Variants in VSX1 observed in about 807,000 individuals in gnomAD.
The protein encoded by VSX1 is homeodomain protein RINX.
A neutral mutation model predicts 23.6 loss-of-function variants in VSX1; 23 were observed. The ratio of observed to expected loss-of-function variants is 0.97; its 90% CI spans 0.70 to 1.38. VSX1 has a LOEUF of 1.38. VSX1 is among the 40% of genes most tolerant of loss of function. The pLI is 0.00. For missense variants in VSX1, 517 were observed against 495.4 expected, an observed-to-expected ratio of 1.04 and a Z score of -0.41; for synonymous variants, 247 against 215.1, an observed-to-expected ratio of 1.15 and a Z score of -1.30.
At chr20:25,078,179 T>G in intron 3 of VSX1, among the ~76,000 whole-genome samples, 1 of 152,196 alleles carries the variant, frequency 6.6e-6, no homozygotes, top group East Asian at 1.9e-4. Flanking sequence ...TTTTCCCACA[T>G]TGTGTGAAGA....
rs141410824 is a variant in VSX1 at position 25,077,776 on chromosome 20, C to T, written c.717G>A (p.Gly239=). Residue 239 remains glycine (G), a synonymous_variant, in exon 4 of 5, where the codon GGG becomes GGA. Coordinates refer to ENST00000376709, the MANE Select transcript of VSX1 (RefSeq NM_014588.6). The stretch of plus-strand genomic sequence containing the variant: ...GCGGGATGCAGTGGCGCACCATGGC[C>T]CCGTACAGCCCGTACTCGGCCATCA... The part of the protein sequence containing the change: ...SSVMAEYGLY[G]AMVRHCIPLP... 213 of 1,550,982 alleles carry T rather than the reference C, an allele frequency of 1.4e-4. No individual in the cohort carries two copies. The East Asian group carries it at 3.6e-3, about 26-fold the overall frequency.
Position 25,078,576 on chromosome 20 carries a change from T to C in VSX1, c.627+253A>G, listed in dbSNP as rs539502690. On this transcript the variant is annotated intron_variant, in intron 3 of 4. Coordinates refer to ENST00000376709, the MANE Select transcript of VSX1 (RefSeq NM_014588.6). Reference sequence around the variant, plus strand: ...TTTTTTTTTTTCATTGACATATCTTTATAGTTTCTAGTTGCAGCACACATT... The same window carrying C: ...TTTTTTTTTTTCATTGACATATCTTCATAGTTTCTAGTTGCAGCACACATT... The C allele has an allele frequency of 5.7e-6, 8 of 1,396,312 alleles. No homozygotes were observed. The East Asian group carries it at 2.1e-4, about 36-fold the overall frequency. 86.5% of individuals were successfully genotyped at this position (1,396,312 alleles called of 1,614,324 possible). A position where few individuals can be genotyped will look rare whatever the true frequency, so the allele number is the denominator to read the frequency against.
In VSX1 at chr20:25,081,985, CCA is replaced by C; in HGVS notation, c.110_111del (p.Leu37ArgfsTer32). 6.5e-7 allele frequency: 1 copy of C among 1,533,894 alleles called. No homozygotes were observed. Among genetic ancestry groups the C allele is most frequent in the Non-Finnish European group, 8.7e-7 (1 of 1,146,508 alleles). On this transcript the variant is annotated frameshift_variant, in exon 1 of 5. Coordinates refer to ENST00000376709, the MANE Select transcript of VSX1 (RefSeq NM_014588.6). LOFTEE classifies it high-confidence loss of function. ...GGCGCCGGCAGCTCGGCCTCCAAGC[CCA>C]GCAGGTCCGTGATGGCGAAGCCCCG... ...RPRGFAITDLLGLEAELPAPA... is the reference protein window; with the variant it reads ...RPRGFAITDLXGLEAELPAPA...
At chr20:25,080,063 T>G (rs1177530856) in intron 1 of VSX1, among the ~76,000 whole-genome samples, 1 of 152,164 alleles carries the variant, frequency 6.6e-6, no homozygotes, top group African/African-American at 2.4e-5. Flanking sequence ...GGAGGTGGGA[T>G]CTAGGAGGCT....
Position 25,078,949 on chromosome 20 carries a change from T to C in VSX1, c.507A>G (p.Thr169=), listed in dbSNP as rs770531377. The change falls in exon 3 of 5, where the codon ACA becomes ACG. Residue 169 remains threonine, a synonymous_variant. Coordinates refer to ENST00000376709, the MANE Select transcript of VSX1 (RefSeq NM_014588.6). ...LGKRKKRRHR[T]VFTAHQLEEL... ...CTTCCAGCTGGTGAGCAGTGAAAAC[T>C]GTCCTGCAAGGACCCCAAAACACAC... 9 of 1,613,612 alleles carry C rather than the reference T, an allele frequency of 5.6e-6. No homozygotes were observed. The highest frequency in any genetic ancestry group is 7.6e-6 in the Non-Finnish European group (9 of 1,180,048).
At chr20:25,077,899 G>C in intron 3 of VSX1, 34 bp from the exon 4 acceptor site, 2 of 1,550,138 alleles carry the variant, frequency 1.3e-6, no homozygotes, top group Non-Finnish European at 8.7e-7. Context: ...AAGGCACACA[G>C]AAGAGACAGT....
In VSX1 at chr20:25,077,782, C is replaced by T. The variant is rs748180725; in HGVS notation, c.711G>A (p.Leu237=). ...GGSSVMAEYG[L]YGAMVRHCIP... is the part of the protein sequence containing the mutation. ...TGCAGTGGCGCACCATGGCCCCGTACAGCCCGTACTCGGCCATCACGCTGC... is the reference window on the plus strand; with the variant it reads ...TGCAGTGGCGCACCATGGCCCCGTATAGCCCGTACTCGGCCATCACGCTGC... The change falls in exon 4 of 5, where the codon CTG becomes CTA. Residue 237 remains leucine, a synonymous_variant. Transcript: ENST00000376709. 3.9e-6 allele frequency: 6 copies of T among 1,551,102 alleles called. No individual in the cohort carries two copies. Among genetic ancestry groups the T allele is most frequent in the South Asian group, 3.6e-5 (3 of 84,072 alleles).
chr20:25,078,168 C>G (rs1051740913), intron 3 of VSX1, among the ~76,000 whole-genome samples: 2 of 152,200 alleles, frequency 1.3e-5, no homozygotes, highest in African/African-American at 4.8e-5. Context: ...ATCAAACTCC[C>G]TTTTCCCACA....
At chr20:25,072,905 G>A (rs1600371866), downstream of VSX1, among the ~76,000 whole-genome samples, 1 of 152,198 alleles carries the variant, frequency 6.6e-6, no homozygotes, top group East Asian at 1.9e-4. Flanking sequence ...TACTAAAACT[G>A]TAATTTTTTG....
chr20:25,078,940 A>G lies in VSX1; in HGVS notation c.516T>C (p.Thr172=). 6.2e-7 allele frequency: 1 copy of G among 1,613,940 alleles called. No individual in the cohort carries two copies. Among genetic ancestry groups the G allele is most frequent in the Non-Finnish European group, 8.5e-7 (1 of 1,180,022 alleles). ...RKKRRHRTVF[T]AHQLEELEKA... ...TCTCCAACTCTTCCAGCTGGTGAGC[A>G]GTGAAAACTGTCCTGCAAGGACCCC... Residue 172 remains threonine (T), a synonymous_variant, in exon 3 of 5, where the codon ACT becomes ACC. Coordinates refer to ENST00000376709, the MANE Select transcript of VSX1 (RefSeq NM_014588.6).
chr20:25,079,899 C>T (rs1210352000), intron 1 of VSX1, among the ~76,000 whole-genome samples: 1 of 152,118 alleles, frequency 6.6e-6, no homozygotes, highest in Non-Finnish European at 1.5e-5. Flanking sequence ...CACTTTCTAT[C>T]CCCACACTGC....
chr20:25,078,687 T>C, intron 3 of VSX1, 142 bp downstream of exon 3: 1 of 1,606,794 alleles, frequency 6.2e-7, no homozygotes. Context: ...GCTCTTGTGG[T>C]GCCTTCAGCT....
chr20:25,078,495 C>T (rs969325438), intron 3 of VSX1: 41 of 1,271,018 alleles, frequency 3.2e-5, no homozygotes, highest in Non-Finnish European at 3.5e-5. Context: ...AGAAAGGTCT[C>T]CTCAGGCATT....
intron 2 of VSX1, 99 bp from the exon 3 acceptor site, chr20:25,079,051 G>T: frequency 7.1e-7 from 1 of 1,409,986 alleles, no homozygotes; most frequent in Non-Finnish European, 9.9e-7. Flanking sequence ...CTGCTGTCCA[G>T]ACCCTAGAAG....
chr20:25,073,808 A>G (rs2089431459), downstream of VSX1, among the ~76,000 whole-genome samples: 1 of 152,162 alleles, frequency 6.6e-6, no homozygotes, highest in Non-Finnish European at 1.5e-5. Flanking sequence ...GATGTTCGTG[A>G]GCGGCTCAAA....
chr20:25,071,570 A>G (rs2089379458), downstream of VSX1: 1 of 472,328 alleles, frequency 2.1e-6, no homozygotes, highest in South Asian at 1.5e-5. Context: ...CCCTTTCAAC[A>G]GATAATCTTG....
intron 2 of VSX1, 121 bp downstream of exon 2, chr20:25,079,315 C>T: frequency 9.5e-7 from 1 of 1,058,172 alleles, no homozygotes; most frequent in Non-Finnish European, 1.3e-6. Flanking sequence ...CTTCCCATTG[C>T]CAACCAGGAA....
Position 25,076,012 on chromosome 20 carries a change from G to A in VSX1, c.*249C>T. ...TCCTCCCTGCTCAAGCTACAAAAGA[G>A]AATCAAAAGTTTTGCACCAAGTTAA... On this transcript the variant is annotated 3_prime_UTR_variant, in exon 5 of 5. Transcript: ENST00000376709. 1 of 567,224 alleles carries A rather than the reference G, an allele frequency of 1.8e-6. No individual in the cohort carries two copies. Among genetic ancestry groups the A allele is most frequent in the Non-Finnish European group, 3.1e-6 (1 of 320,272 alleles). 35.1% of individuals were successfully genotyped at this position (567,224 alleles called of 1,614,324 possible). A position where few individuals can be genotyped will look rare whatever the true frequency, so the allele number is the denominator to read the frequency against.
Position 25,082,008 on chromosome 20 carries a change from C to T in VSX1, c.89G>A (p.Gly30Asp), listed in dbSNP as rs768758901. ...GGSPRGSRPRGFAITDLLGLE... is the reference protein window; with the variant it reads ...GGSPRGSRPRDFAITDLLGLE... ...GCCCAGCAGGTCCGTGATGGCGAAG[C>T]CCCGGGGGCGCGAGCCCCTAGGGGA... The change falls in exon 1 of 5, where the codon GGC (glycine) becomes GAC (aspartate). Residue 30 changes from glycine to aspartate, a missense_variant. Gly to Asp is a moderately conservative substitution (Grantham distance 94). Coordinates refer to ENST00000376709, the MANE Select transcript of VSX1 (RefSeq NM_014588.6). 6.5e-6 allele frequency: 10 copies of T among 1,534,814 alleles called. No homozygotes were observed. The South Asian group carries it at 7.1e-5, about 11-fold the overall frequency.
Sources: allele counts gnomAD v4.1 joint callset (sites outside exome capture counted in the v4.1 genomes callset), GRCh38; gene constraint gnomAD v4.1.1; transcripts MANE v1.5; gene names NCBI Gene and HGNC (gene_info 2026-07-23, HGNC 2026-07-21).